MAPKAPK5: variants seen among roughly 807,000 people sequenced by gnomAD.
MAPKAPK5 encodes MAPK activated protein kinase 5.
A neutral mutation model predicts 65.1 loss-of-function variants in MAPKAPK5; 30 were observed. The ratio of observed to expected loss-of-function variants is 0.46; its 90% confidence interval spans 0.34 to 0.63. MAPKAPK5 has a LOEUF of 0.63. Among genes scored for constraint, MAPKAPK5 ranks in the 20% least tolerant of loss-of-function variants. MAPKAPK5 has a pLI of 0.01. For synonymous variants in MAPKAPK5, 179 were observed against 204.6 expected (o/e 0.87, Z 1.07); for missense variants, 433 against 581.4 (o/e 0.74, Z 2.63).
chr12:111,851,809 T>C (rs2069092059), intron 1 of MAPKAPK5, among the ~76,000 whole-genome samples: 2 of 152,204 alleles, frequency 1.3e-5, no homozygotes, highest in South Asian at 4.1e-4. Flanking sequence ...GAAAACTCTG[T>C]CCAGATGTGC....
chr12:111,886,546 T>C (rs1442526663), intron 10 of MAPKAPK5, among the ~76,000 whole-genome samples: 1 of 152,264 alleles, frequency 6.6e-6, no homozygotes, highest in Non-Finnish European at 1.5e-5. Flanking sequence ...GAGTTCTTTC[T>C]CATGTTCGGA....
chr12:111,900,081 AAC>A lies in MAPKAPK5; in HGVS notation c.*7024_*7025del, dbSNP rs1203441530. On this transcript the variant is annotated 3_prime_UTR_variant, in exon 14 of 14. Transcript: ENST00000550735. ...GGCCAACAGCTTCACTAGGGGAATA[AAC>A]ACAGAGGTGGTGCTGGCTGGAATGG... 1.3e-5 allele frequency: 6 copies of A among 455,918 alleles called. No individual in the cohort carries two copies. The highest frequency in any genetic ancestry group is 2.3e-5 in the Admixed American group (1 of 42,560). 28.2% of individuals were successfully genotyped at this position (455,918 alleles called of 1,614,324 possible).
chr12:111,888,038 T>TTGTGGCCTCGGTCA (rs1419379527), intron 10 of MAPKAPK5: 3 of 170,708 alleles, frequency 1.8e-5, no homozygotes, highest in African/African-American at 7.2e-5. Context: ...ACTTGACTGG[T>TTGTGGCCTCGGTCA]TGTGGCCTCG....
chr12:111,891,679 C>A (rs925633225), intron 13 of MAPKAPK5, among the ~76,000 whole-genome samples: 18 of 149,514 alleles, frequency 1.2e-4, no homozygotes, highest in Non-Finnish European at 2.5e-4. Context: ...TGGTGGCATG[C>A]GCCTGTAGTT....
At chr12:111,846,096 G>A (rs576594206) in intron 1 of MAPKAPK5, among the ~76,000 whole-genome samples, 2 of 152,214 alleles carry the variant, frequency 1.3e-5, no homozygotes, top group Admixed American at 6.5e-5. Context: ...GTGAATCTAC[G>A]CTAATTTGGG....
Position 111,870,151 on chromosome 12 carries a change from A to G in MAPKAPK5, c.394-120A>G, listed in dbSNP as rs530688588. 2.1e-5 allele frequency: 11 copies of G among 523,704 alleles called. No individual in the cohort carries two copies. The South Asian group carries it at 3.5e-4, about 16-fold the overall frequency. The allele number at this position is 523,704 out of a possible 1,614,324, so 32.4% of individuals were successfully genotyped here. The stretch of plus-strand genomic sequence containing the variant: ...AGTTTTTCTTAATTTCTGCTTTAAA[A>G]TTGAAAGTGAACGCAGTCTTAATGA... On this transcript the variant is annotated intron_variant, in intron 5 of 13. Transcript: ENST00000550735.
At chr12:111,871,225 CCAT>C (rs1385944516) in intron 7 of MAPKAPK5, 45 bp downstream of exon 7, 1 of 1,503,504 alleles carries the variant, frequency 6.7e-7, no homozygotes, top group African/African-American at 1.4e-5. Context: ...ACCAAGCTGC[CCAT>C]CAACTCGTGT....
At position 111,899,804 on chromosome 12, in the gene MAPKAPK5, A is replaced by G; in HGVS notation, c.*6743A>G. The G allele has an allele frequency of 2.4e-6, 1 of 408,244 alleles. No individual in the cohort carries two copies. Among genetic ancestry groups the G allele is most frequent in the South Asian group, 1.7e-5 (1 of 58,200 alleles). 25.3% of individuals were successfully genotyped at this position (408,244 alleles called of 1,614,324 possible). ...GATTAAGGAGGAAAAATCTTACAGC[A>G]TTGAGCCCATGGACTCTTCAAGACG... On this transcript the variant is annotated 3_prime_UTR_variant, in exon 14 of 14. Transcript: ENST00000550735.
chr12:111,856,339 A>G (rs1198282442), intron 1 of MAPKAPK5, among the ~76,000 whole-genome samples: 1 of 151,926 alleles, frequency 6.6e-6, no homozygotes, highest in Non-Finnish European at 1.5e-5. Flanking sequence ...AATTAATACT[A>G]ATAGTTTCAG....
At chr12:111,890,008 A>C (rs2070550285) in intron 12 of MAPKAPK5, 32 bp from the exon 13 acceptor site, 1 of 1,427,732 alleles carries the variant, frequency 7.0e-7, no homozygotes, top group Non-Finnish European at 9.7e-7. Context: ...GCTGCAGGAA[A>C]AATGCAAATT....
intron 1 of MAPKAPK5, among the ~76,000 whole-genome samples, chr12:111,856,280 A>G (rs1298876197): frequency 6.6e-6 from 1 of 151,870 alleles, no homozygotes; most frequent in African/African-American, 2.4e-5. Flanking sequence ...TTTTTTTATG[A>G]TCTAGAATAT....
Position 111,888,289 on chromosome 12 carries a change from T to C in MAPKAPK5, c.970-199T>C, listed in dbSNP as rs2070482036. 5 of 581,448 alleles carry C rather than the reference T, an allele frequency of 8.6e-6. No homozygotes were observed. In the Admixed American group the frequency reaches 1.5e-4, roughly 17 times the overall value. The allele number at this position is 581,448 out of a possible 1,614,324, so 36.0% of individuals were successfully genotyped here. A position where few individuals can be genotyped will look rare whatever the true frequency, so the allele number is the denominator to read the frequency against. ...AAGAAGGGCTAGTTGTTGTGTGACCTTTGGTTGGCCTGGTGTTTCCTGGTT... is the reference window on the plus strand; with the variant it reads ...AAGAAGGGCTAGTTGTTGTGTGACCCTTGGTTGGCCTGGTGTTTCCTGGTT... On this transcript the variant is annotated intron_variant, in intron 10 of 13. Coordinates refer to ENST00000550735, the MANE Select transcript of MAPKAPK5 (RefSeq NM_003668.4).
chr12:111,852,540 C>T (rs914100254), intron 1 of MAPKAPK5, among the ~76,000 whole-genome samples: 1 of 152,130 alleles, frequency 6.6e-6, no homozygotes, highest in Non-Finnish European at 1.5e-5. Context: ...TTTCTGTTGT[C>T]AGTATGGTTA....
At chr12:111,882,358 G>A (rs969213064) in intron 8 of MAPKAPK5, among the ~76,000 whole-genome samples, 2 of 151,172 alleles carry the variant, frequency 1.3e-5, no homozygotes, top group South Asian at 2.1e-4. Context: ...CCAACCTGGC[G>A]ACAGAGTGAG....
chr12:111,892,622 AT>A (rs2136166673), intron 13 of MAPKAPK5, among the ~76,000 whole-genome samples: 1 of 151,452 alleles, frequency 6.6e-6, no homozygotes, highest in South Asian at 2.1e-4. Context: ...TCTTTTGCCC[AT>A]TTTTTTTCAC....
intron 5 of MAPKAPK5, among the ~76,000 whole-genome samples, chr12:111,869,885 G>C (rs1368879191): frequency 6.6e-6 from 1 of 152,210 alleles, no homozygotes; most frequent in Non-Finnish European, 1.5e-5. Flanking sequence ...ATTCTTGTCT[G>C]AGCCCTGCTG....
intron 1 of MAPKAPK5, among the ~76,000 whole-genome samples, chr12:111,852,073 G>A (rs905264032): frequency 6.6e-6 from 1 of 152,162 alleles, no homozygotes; most frequent in Non-Finnish European, 1.5e-5. Context: ...TTTGCCAGAA[G>A]GGTTCCAATT....
Position 111,881,402 on chromosome 12 carries a change from C to CTTTTTTTTTTT in MAPKAPK5, c.660+875_660+876insTTTTTTTTTTT, listed in dbSNP as rs1274226182. Among the ~76,000 whole-genome samples the CTTTTTTTTTTT allele has an allele frequency of 5.4e-3, 626 of 116,620 alleles. 75 individuals are homozygous for CTTTTTTTTTTT. The highest frequency in any genetic ancestry group is 0.012 in the African/African-American group (355 of 30,090). The allele number at this position is 116,620 out of a possible 152,430, so 76.5% of individuals were successfully genotyped here. On this transcript the variant is annotated intron_variant, in intron 8 of 13. Coordinates refer to ENST00000550735, the MANE Select transcript of MAPKAPK5 (RefSeq NM_003668.4). ...AGCCCACATATTGATCCTGTCTGTTCCTTTTTTTTTTTTTTTTTTTGAGAC... is the reference window on the plus strand; with the variant it reads ...AGCCCACATATTGATCCTGTCTGTTCTTTTTTTTTTTCTTTTTTTTTTTTTTTTTTTGAGAC...
At chr12:111,879,369 A>G (rs1161072854) in intron 7 of MAPKAPK5, 5 of 148,018 alleles carry the variant, frequency 3.4e-5, no homozygotes, top group African/African-American at 1.2e-4. Flanking sequence ...GGTCCTCTGC[A>G]TGGAGACTTT....
Sources: gnomAD v4.1 joint callset for allele counts (sites outside exome capture counted in the v4.1 genomes callset) on GRCh38, gnomAD v4.1.1 for gene constraint, MANE v1.5 for transcripts, NCBI Gene and HGNC (gene_info 2026-07-23, HGNC 2026-07-21) for gene names.